Variants in GFM1 observed in about 807,000 individuals in gnomAD.
GFM1 encodes the protein G elongation factor mitochondrial 1.
GFM1 carries 62 observed loss-of-function variants against 96.2 expected under a neutral mutation model. That is an observed-to-expected ratio of 0.64 (90% confidence interval 0.53 to 0.80). The LOEUF (loss-of-function observed/expected upper bound fraction) is 0.80, where lower values mean the gene tolerates loss of function less well. GFM1 is among the 30% of genes least tolerant of loss of function. GFM1 has a pLI of 0.00. For synonymous variants in GFM1, 282 were observed against 312.9 expected, an observed-to-expected ratio of 0.90 and a Z score of 1.04; for missense variants, 852 against 916.6, an observed-to-expected ratio of 0.93 and a Z score of 0.91.
At chr3:158,689,344 A>G (rs887432067) in intron 15 of GFM1, among the ~76,000 whole-genome samples, 1 of 152,178 alleles carries the variant, frequency 6.6e-6, no homozygotes, top group Non-Finnish European at 1.5e-5. Context: ...TCCAGAAGGC[A>G]TATAGCTTCT....
chr3:158,661,096 C>G, intron 10 of GFM1, 121 bp downstream of exon 10: 7 of 763,304 alleles, frequency 9.2e-6, no homozygotes, highest in Non-Finnish European at 1.6e-5. Context: ...CCACAGTCAT[C>G]AAGTTAGTTG....
intron 13 of GFM1, chr3:158,669,649 G>A: frequency 2.6e-6 from 4 of 1,547,890 alleles, no homozygotes; most frequent in Non-Finnish European, 3.5e-6. Flanking sequence ...TATACAGAAG[G>A]CTATTCATTA....
intron 7 of GFM1, among the ~76,000 whole-genome samples, chr3:158,653,841 C>T (rs1359667187): frequency 1.3e-5 from 2 of 151,992 alleles, no homozygotes; most frequent in Non-Finnish European, 2.9e-5. Context: ...GAGGCCAAGG[C>T]GGGCGGATCA....
chr3:158,666,626 T>C (rs893933244), intron 13 of GFM1: 1 of 1,593,286 alleles, frequency 6.3e-7, no homozygotes, highest in African/African-American at 1.3e-5. Flanking sequence ...TGTTTACACT[T>C]CCAGTGTTAG....
intron 13 of GFM1, among the ~76,000 whole-genome samples, chr3:158,677,957 A>G (rs1199307009): frequency 6.6e-6 from 1 of 152,198 alleles, no homozygotes; most frequent in Non-Finnish European, 1.5e-5. Flanking sequence ...GCTGGTGACT[A>G]AGTTTGAAGA....
At chr3:158,690,375 A>G in intron 16 of GFM1, 52 bp downstream of exon 16, 1 of 1,561,336 alleles carries the variant, frequency 6.4e-7, no homozygotes, top group African/African-American at 1.4e-5. Flanking sequence ...ATAGAAGGAA[A>G]TCCAGGTTAG....
chr3:158,670,813 G>T (rs1426172038), intron 13 of GFM1: 1 of 1,212,372 alleles, frequency 8.2e-7, no homozygotes. Context: ...TGCACCTGTG[G>T]TCCCAGCTAT....
intron 9 of GFM1, chr3:158,660,256 T>G (rs1040967941): frequency 6.5e-6 from 1 of 153,056 alleles, no homozygotes; most frequent in Non-Finnish European, 1.4e-5. Context: ...GCCTTTTTTT[T>G]TTTTTTTGAG....
chr3:158,690,796 A>C (rs985236984), intron 16 of GFM1, among the ~76,000 whole-genome samples: 3 of 152,204 alleles, frequency 2.0e-5, no homozygotes, highest in Admixed American at 2.0e-4. Flanking sequence ...AAGGTGTCCA[A>C]AGGAAAGTCG....
intron 7 of GFM1, 52 bp from the exon 8 acceptor site, chr3:158,654,495 A>G (rs1722579815): frequency 9.0e-7 from 1 of 1,107,792 alleles, no homozygotes; most frequent in African/African-American, 1.6e-5. Flanking sequence ...AATTGATATA[A>G]AAGAAATATC....
chr3:158,683,647 C>G (rs1725593150), intron 14 of GFM1, among the ~76,000 whole-genome samples: 1 of 152,216 alleles, frequency 6.6e-6, no homozygotes, highest in Non-Finnish European at 1.5e-5. Context: ...AGTGAATAAA[C>G]ACCAATTTTG....
intron 10 of GFM1, 78 bp downstream of exon 10, chr3:158,661,053 C>T: frequency 1.7e-6 from 2 of 1,164,274 alleles, no homozygotes; most frequent in Middle Eastern, 2.3e-4. Flanking sequence ...TTTAATACTT[C>T]AGAAAAACAA....
At chr3:158,679,898 G>A (rs2108090313) in intron 13 of GFM1, among the ~76,000 whole-genome samples, 1 of 152,286 alleles carries the variant, frequency 6.6e-6, no homozygotes, top group South Asian at 2.1e-4. Context: ...TATGAATGCA[G>A]TCACCATCTC....
At chr3:158,649,310 A>C (rs941852203) in intron 5 of GFM1, 153 bp downstream of exon 5, 4 of 540,006 alleles carry the variant, frequency 7.4e-6, no homozygotes, top group Non-Finnish European at 1.3e-5. Context: ...CTTTAATCCT[A>C]GTCGCTCCCC....
rs571500236 is a variant in GFM1 at position 158,695,564 on chromosome 3, G to T, written c.*4097G>T. ...TGTACTGTAATAAATCTGCTAAAAG[G>T]TTACCTTAGAAACATTACCTGGTTG... On this transcript the variant is annotated 3_prime_UTR_variant, in exon 18 of 18. Coordinates refer to ENST00000486715, the MANE Select transcript of GFM1 (RefSeq NM_024996.7). 5 of 152,164 alleles carry T rather than the reference G, an allele frequency of 3.3e-5. No homozygotes were observed. The highest frequency in any genetic ancestry group is 1.9e-4 in the East Asian group (1 of 5,172). 9.4% of individuals were successfully genotyped at this position (152,164 alleles called of 1,614,324 possible).
intron 13 of GFM1, among the ~76,000 whole-genome samples, chr3:158,674,563 A>T (rs1724706065): frequency 6.6e-6 from 1 of 152,178 alleles, no homozygotes; most frequent in African/African-American, 2.4e-5. Flanking sequence ...ACTTTAGAAG[A>T]ACACCAGAAA....
chr3:158,672,606 A>AGCTCCTTCAGTCT lies in GFM1; in HGVS notation c.1601+6221_1601+6222insCTCCTTCAGTCTG, dbSNP rs1560139496. The AGCTCCTTCAGTCT allele has an allele frequency of 1.1e-5, 12 of 1,116,754 alleles. No individual in the cohort carries two copies. The African/African-American group carries it at 1.9e-4, about 17-fold the overall frequency. The allele number at this position is 1,116,754 out of a possible 1,614,324, so 69.2% of individuals were successfully genotyped here. A position where few individuals can be genotyped will look rare whatever the true frequency, so the allele number is the denominator to read the frequency against. ...GGAAAAGTCGCAAGCTCCTTCAGTC[A>AGCTCCTTCAGTCT]GTCTTCTTCCTCAGCTCCTTCCGAC... On this transcript the variant is annotated intron_variant, in intron 13 of 17. Coordinates refer to ENST00000486715, the MANE Select transcript of GFM1 (RefSeq NM_024996.7).
chr3:158,654,071 A>G (rs543769871), intron 7 of GFM1, among the ~76,000 whole-genome samples: 6 of 148,482 alleles, frequency 4.0e-5, no homozygotes, highest in South Asian at 4.3e-4. Context: ...ATAAGATTCC[A>G]AAAAAAAAAG....
In GFM1 at chr3:158,646,285, A is replaced by G. The variant is rs549720594; in HGVS notation, c.355A>G (p.Ile119Val). 1 of 1,614,168 alleles carries G rather than the reference A, an allele frequency of 6.2e-7. No individual in the cohort carries two copies. The highest frequency in any genetic ancestry group is 8.5e-7 in the Non-Finnish European group (1 of 1,179,984). The change falls in exon 3 of 18, where the codon ATA becomes GTA. Residue 119 changes from isoleucine to valine, a missense_variant. By Grantham distance (29) the Ile-to-Val change is conservative (BLOSUM62 3). Coordinates refer to ENST00000486715, the MANE Select transcript of GFM1 (RefSeq NM_024996.7). ...TMWKDVNINI[I>V]DTPGHVDFTI... Reference sequence around the variant, plus strand: ...GTGGAAAGATGTCAATATTAACATTATAGATACTCCTGGTGAGTTGGATTC... The same window carrying G: ...GTGGAAAGATGTCAATATTAACATTGTAGATACTCCTGGTGAGTTGGATTC...
Sources: gnomAD v4.1 joint callset for allele counts (sites outside exome capture counted in the v4.1 genomes callset) on GRCh38, gnomAD v4.1.1 for gene constraint, MANE v1.5 for transcripts, NCBI Gene and HGNC (gene_info 2026-07-23, HGNC 2026-07-21) for gene names.